Variants in ANKRD28 observed in about 807,000 individuals in gnomAD.
ANKRD28 encodes ankyrin repeat domain 28.
Under a neutral mutation model 126.5 loss-of-function variants are expected in ANKRD28, and 44 were observed. The observed-to-expected ratio is 0.35, with a 90% CI of 0.27 to 0.45. ANKRD28 has a LOEUF of 0.45. ANKRD28 is among the 20% of genes least tolerant of loss of function. ANKRD28 has a pLI of 1.00. For synonymous variants in ANKRD28, 442 were observed against 468.5 expected (o/e 0.94, Z 0.73); for missense variants, 1,110 against 1,316.6 (o/e 0.84, Z 2.43).
chr3:15,850,721 C>T (rs2061634557), intron 1 of ANKRD28, among the ~76,000 whole-genome samples: 1 of 152,212 alleles, frequency 6.6e-6, no homozygotes, highest in Admixed American at 6.5e-5. Context: ...CTATGTATTT[C>T]TTCCATCTCT....
chr3:15,736,594 T>C (rs2075032533), intron 5 of ANKRD28, among the ~76,000 whole-genome samples: 1 of 152,246 alleles, frequency 6.6e-6, no homozygotes. Flanking sequence ...CAACGTTTGT[T>C]GTGTAAGATA....
chr3:15,847,944 G>T (rs1437532576), intron 1 of ANKRD28, among the ~76,000 whole-genome samples: 2 of 152,190 alleles, frequency 1.3e-5, no homozygotes, highest in African/African-American at 2.4e-5. Context: ...GGATCTTCAT[G>T]ATTTGGCCCT....
chr3:15,859,411 G>A, exon 1 of ANKRD28: 4 of 1,524,912 alleles, frequency 2.6e-6, no homozygotes, highest in Non-Finnish European at 3.5e-6. Context: ...CATGGCGGTC[G>A]CCTCCGCGCC....
At chr3:15,680,793 G>C (rs953091571) in intron 21 of ANKRD28, among the ~76,000 whole-genome samples, 1 of 150,740 alleles carries the variant, frequency 6.6e-6, no homozygotes, top group African/African-American at 2.5e-5. Context: ...AGCCTCCTGA[G>C]TTGCTAAGAC....
Position 15,843,578 on chromosome 3 carries a change from C to G in ANKRD28, c.27+15799G>C, listed in dbSNP as rs1012807283. On this transcript the variant is annotated intron_variant, in intron 1 of 27. Transcript: ENST00000399451. This position sits in a 1 kb window ranked among gnomAD's most constrained non-coding sequence, Gnocchi z 5.2. ...TAGGAGTACAGCAGAATAGTTTGAG[C>G]CAAAAATAAGGGAAAAAAAAGAGAG... 2.0e-5 allele frequency among the ~76,000 whole-genome samples: 3 copies of G among 149,792 alleles called. No homozygotes were observed. Among genetic ancestry groups the G allele is most frequent in the Non-Finnish European group, 4.4e-5 (3 of 67,526 alleles).
chr3:15,795,476 T>A (rs976427144), intron 1 of ANKRD28, among the ~76,000 whole-genome samples, 170 bp from the exon 2 acceptor site: 2 of 151,910 alleles, frequency 1.3e-5, no homozygotes, highest in South Asian at 4.2e-4. Context: ...GGATTCCTAC[T>A]TGGAAAAAAA....
rs1210582409 is a variant in ANKRD28, at chr3:15,815,235, C to T, written c.28-19929G>A. On this transcript the variant is annotated intron_variant, in intron 1 of 27. Transcript: ENST00000399451. This position sits in a 1 kb window ranked among gnomAD's most constrained non-coding sequence, Gnocchi z 4.1. ...TAAAAAATTATGGAGCCATAATTCTCAAGTGCAATGACCTAGAAAGAACAA... is the reference window on the plus strand; with the variant it reads ...TAAAAAATTATGGAGCCATAATTCTTAAGTGCAATGACCTAGAAAGAACAA... Among the ~76,000 whole-genome samples the T allele has an allele frequency of 6.6e-6, 1 of 152,098 alleles. No homozygotes were observed. Among genetic ancestry groups the T allele is most frequent in the African/African-American group, 2.4e-5 (1 of 41,402 alleles).
At chr3:15,775,301 G>A (rs1205463724) in intron 2 of ANKRD28, among the ~76,000 whole-genome samples, 1 of 152,192 alleles carries the variant, frequency 6.6e-6, no homozygotes, top group Non-Finnish European at 1.5e-5. Flanking sequence ...TATGTAGGAG[G>A]AAAAATCAGT....
At chr3:15,758,396 G>T (rs1346099953) in intron 3 of ANKRD28, among the ~76,000 whole-genome samples, 1 of 152,128 alleles carries the variant, frequency 6.6e-6, no homozygotes, top group Non-Finnish European at 1.5e-5. Flanking sequence ...CTGCTGCACT[G>T]TATCTTTTAA....
rs551374757 is a variant in ANKRD28 at position 15,803,603 on chromosome 3, G to A, written c.28-8297C>T. Among the ~76,000 whole-genome samples, 13 of 143,550 alleles carry A rather than the reference G, an allele frequency of 9.1e-5. No homozygotes were observed. In the South Asian group the frequency reaches 1.3e-3, roughly 15 times the overall value. 94.2% of individuals were successfully genotyped at this position (143,550 alleles called of 152,430 possible). Reference sequence around the variant, plus strand: ...CGGCACTCCAGCCTGGCGACAGAGCGAGACTCCATTTAAAAAAAAAAAAAA... The same window carrying A: ...CGGCACTCCAGCCTGGCGACAGAGCAAGACTCCATTTAAAAAAAAAAAAAA... On this transcript the variant is annotated intron_variant, in intron 1 of 27. Coordinates refer to the ANKRD28 transcript ENST00000399451.
intron 6 of ANKRD28, among the ~76,000 whole-genome samples, chr3:15,725,755 G>A (rs1200152281): frequency 6.6e-6 from 1 of 152,126 alleles, no homozygotes; most frequent in Non-Finnish European, 1.5e-5. Flanking sequence ...ATATAAAGTG[G>A]TGAACTGATC....
chr3:15,809,399 T>C (rs565597256), intron 1 of ANKRD28, among the ~76,000 whole-genome samples: 15 of 152,332 alleles, frequency 9.8e-5, no homozygotes, highest in Admixed American at 7.8e-4. Context: ...TCTCTGGTCC[T>C]GAGACATACA....
At chr3:15,840,788 G>C (rs973022948) in intron 1 of ANKRD28, among the ~76,000 whole-genome samples, 1 of 152,186 alleles carries the variant, frequency 6.6e-6, no homozygotes, top group Non-Finnish European at 1.5e-5. Context: ...ACACATTAGG[G>C]AAAGGGTAGT....
intron 4 of ANKRD28, among the ~76,000 whole-genome samples, chr3:15,750,765 C>T (rs2057808033): frequency 6.6e-6 from 1 of 152,134 alleles, no homozygotes; most frequent in Non-Finnish European, 1.5e-5. Context: ...AGTTAGAGTT[C>T]CCTTTCCTTC....
chr3:15,847,885 G>C (rs1194229749), intron 1 of ANKRD28, among the ~76,000 whole-genome samples: 2 of 152,244 alleles, frequency 1.3e-5, no homozygotes, highest in South Asian at 4.1e-4. Flanking sequence ...TCTTCCAGTG[G>C]CTCATGATTG....
At chr3:15,852,770 T>G (rs762835679) in intron 1 of ANKRD28, among the ~76,000 whole-genome samples, 13 of 147,874 alleles carry the variant, frequency 8.8e-5, no homozygotes, top group Non-Finnish European at 1.8e-4. Flanking sequence ...GAGGTGGAGC[T>G]TGCAGTGAGC....
chr3:15,742,509 C>T, intron 4 of ANKRD28, among the ~76,000 whole-genome samples: 1 of 142,522 alleles, frequency 7.0e-6, no homozygotes, highest in African/African-American at 2.6e-5. Flanking sequence ...GGCAACCGCC[C>T]CATATGAGAA....
At chr3:15,831,041 G>T (rs1039272360) in intron 1 of ANKRD28, among the ~76,000 whole-genome samples, 4 of 152,170 alleles carry the variant, frequency 2.6e-5, no homozygotes, top group Non-Finnish European at 5.9e-5. Context: ...ACATCTGGAA[G>T]TTCACGCCTG....
At chr3:15,842,386 G>T (rs1461567927) in intron 1 of ANKRD28, among the ~76,000 whole-genome samples, 2 of 151,692 alleles carry the variant, frequency 1.3e-5, no homozygotes, top group African/African-American at 4.8e-5. Context: ...ACAGTAGAAG[G>T]ATGGTTGGGA....
Sources: gnomAD v4.1 joint callset for allele counts (sites outside exome capture counted in the v4.1 genomes callset) on GRCh38, gnomAD v4.1.1 for gene constraint, Gnocchi (gnomAD v3.1) non-coding constraint, MANE v1.5 for transcripts, NCBI Gene and HGNC (gene_info 2026-07-23, HGNC 2026-07-21) for gene names.